The following PCDHA8 variants were observed in gnomAD, a reference collection of about 807,000 sequenced individuals.
PCDHA8 encodes the protein protocadherin alpha-8.
PCDHA8 carries 53 observed loss-of-function variants against 61.8 expected under a neutral mutation model. The observed-to-expected ratio is 0.86, with a 90% CI of 0.69 to 1.08. The LOEUF (loss-of-function observed/expected upper bound fraction) is 1.08, where lower values mean the gene tolerates loss of function less well. PCDHA8 is among the 50% of genes least tolerant of loss of function. The pLI is 0.00. For synonymous variants in PCDHA8, 618 were observed against 556.6 expected (o/e 1.11, Z -1.55); for missense variants, 1,293 against 1,245.0 (o/e 1.04, Z -0.58).
chr5:140,849,958 C>A (rs2041255697), intron 1 of PCDHA8: 1 of 1,597,774 alleles, frequency 6.3e-7, no homozygotes, highest in East Asian at 2.2e-5. Flanking sequence ...CAGGAGAACG[C>A]CCTGGTGTCC....
intron 1 of PCDHA8, chr5:140,927,673 G>C: frequency 6.2e-7 from 1 of 1,614,224 alleles, no homozygotes; most frequent in Non-Finnish European, 8.5e-7. Flanking sequence ...CTTGGATCCA[G>C]ATGAAGGGTC....
chr5:140,848,693 G>A, intron 1 of PCDHA8: 1 of 1,592,386 alleles, frequency 6.3e-7, no homozygotes, highest in Non-Finnish European at 8.6e-7. Flanking sequence ...TGTTCCAGTT[G>A]GATTCCAAAG....
intron 1 of PCDHA8, among the ~76,000 whole-genome samples, chr5:140,897,927 C>T (rs2066407931): frequency 6.6e-6 from 1 of 152,196 alleles, no homozygotes. Context: ...ATTTGCGTTT[C>T]TCTGATGGCC....
rs550257645 is a variant in PCDHA8 at position 140,858,423 on chromosome 5, A to G, written c.2394+14708A>G. 7.3e-5 allele frequency: 113 copies of G among 1,554,520 alleles called. 7 individuals carry two copies. In the South Asian group the frequency reaches 1.0e-3, roughly 14 times the overall value. On this transcript the variant is annotated intron_variant, in intron 1 of 3. Coordinates refer to ENST00000531613, the MANE Select transcript of PCDHA8 (RefSeq NM_018911.3). ...GGGGAAGATCAGTCTATTGGAGGGG[A>G]CCACTCTAGGAAGGTGGGTTATTAC...
intron 1 of PCDHA8, among the ~76,000 whole-genome samples, chr5:140,874,504 C>A (rs2054953142): frequency 6.6e-6 from 1 of 152,198 alleles, no homozygotes; most frequent in Admixed American, 6.5e-5. Flanking sequence ...AGTTCACATT[C>A]TCTTGACTTT....
chr5:140,933,695 G>A lies in PCDHA8; in HGVS notation c.2395-45254G>A, dbSNP rs575994908. On this transcript the variant is annotated intron_variant, in intron 1 of 3. Coordinates refer to ENST00000531613, the MANE Select transcript of PCDHA8 (RefSeq NM_018911.3). ...TCTCACATTTTTTTTCCTATTCCTCGGACACATTTACTGAGATTGGTGATA... is the reference window on the plus strand; with the variant it reads ...TCTCACATTTTTTTTCCTATTCCTCAGACACATTTACTGAGATTGGTGATA... Among the ~76,000 whole-genome samples the A allele has an allele frequency of 1.8e-4, 27 of 151,494 alleles. 1 individual carries two copies. The South Asian group carries it at 3.7e-3, about 21-fold the overall frequency.
At chr5:140,861,440 C>T (rs575320775) in intron 1 of PCDHA8, 3 of 493,406 alleles carry the variant, frequency 6.1e-6, no homozygotes, top group South Asian at 4.7e-5. Context: ...ATTCCAAAAG[C>T]CGCAGAAACC....
chr5:140,955,215 C>A (rs1313314138), intron 1 of PCDHA8, among the ~76,000 whole-genome samples: 1 of 152,148 alleles, frequency 6.6e-6, no homozygotes, highest in Non-Finnish European at 1.5e-5. Flanking sequence ...TAGCATGATG[C>A]CTCCAGCTTT....
intron 3 of PCDHA8, among the ~76,000 whole-genome samples, chr5:141,005,628 G>C: frequency 6.7e-6 from 1 of 148,974 alleles, no homozygotes; most frequent in Non-Finnish European, 1.5e-5. Context: ...CGTGAACCCG[G>C]GAGGCGGAGC....
At position 140,927,036 on chromosome 5, in the gene PCDHA8, C is replaced by A. The variant is rs137875923; in HGVS notation, c.2395-51913C>A. On this transcript the variant is annotated intron_variant, in intron 1 of 3. Transcript: ENST00000531613. ...CCGCGGACTTGAGGCTGCCAGCGGC[C>A]GCTATGTCCTCGCGGAACTTTCGCT... 9.3e-6 allele frequency: 15 copies of A among 1,612,314 alleles called. No homozygotes were observed. In the East Asian group the frequency reaches 3.3e-4, roughly 36 times the overall value.
chr5:140,964,216 T>C (rs1267795511), intron 1 of PCDHA8, among the ~76,000 whole-genome samples: 1 of 152,214 alleles, frequency 6.6e-6, no homozygotes, highest in Non-Finnish European at 1.5e-5. Context: ...TAGTACAATG[T>C]CTTTCAAAAT....
intron 1 of PCDHA8, among the ~76,000 whole-genome samples, chr5:140,873,728 T>A (rs1208346643): frequency 6.6e-6 from 1 of 152,190 alleles, no homozygotes; most frequent in African/African-American, 2.4e-5. Flanking sequence ...TGGCGCAATC[T>A]CAGCTCACTG....
intron 1 of PCDHA8, among the ~76,000 whole-genome samples, chr5:140,953,569 C>G (rs246030): frequency 0.56 from 85,556 of 151,828 alleles, 24,725 homozygotes; most frequent in African/African-American, 0.69. Context: ...TTAGTGCCCT[C>G]CTCTCCCAAA....
chr5:140,852,773 T>C, intron 1 of PCDHA8: 3 of 981,330 alleles, frequency 3.1e-6, no homozygotes, highest in East Asian at 1.1e-4. Context: ...GATTATTTGA[T>C]GTGAATAGAG....
chr5:140,963,151 A>G (rs544176369), intron 1 of PCDHA8, among the ~76,000 whole-genome samples: 2 of 152,326 alleles, frequency 1.3e-5, no homozygotes, highest in South Asian at 4.1e-4. Context: ...ATGAATTTAA[A>G]AATGACACAT....
At chr5:140,856,434 C>A in intron 1 of PCDHA8, 2 of 1,598,320 alleles carry the variant, frequency 1.3e-6, no homozygotes, top group Non-Finnish European at 1.7e-6. Flanking sequence ...AACGACAACC[C>A]GCCCAGGTTC....
chr5:140,856,909 G>T, intron 1 of PCDHA8: 1 of 1,596,132 alleles, frequency 6.3e-7, no homozygotes, highest in African/African-American at 1.3e-5. Context: ...TCCCACCCAC[G>T]ATAAGAAGGA....
chr5:140,928,771 A>G lies in PCDHA8; in HGVS notation c.2395-50178A>G, dbSNP rs1554206294. 2 of 1,613,880 alleles carry G rather than the reference A, an allele frequency of 1.2e-6. No individual in the cohort carries two copies. Among genetic ancestry groups the G allele is most frequent in the East Asian group, 2.2e-5 (1 of 44,892 alleles). ...CCGTACTGCTCGCTTAGTTCTTCCC[A>G]CTGATGCAGTTAAGCAGAGGGTGGT... On this transcript the variant is annotated intron_variant, in intron 1 of 3. Coordinates refer to ENST00000531613, the MANE Select transcript of PCDHA8 (RefSeq NM_018911.3).
chr5:141,008,999 G>A (rs1389698923), intron 3 of PCDHA8, among the ~76,000 whole-genome samples: 1 of 152,200 alleles, frequency 6.6e-6, no homozygotes, highest in African/African-American at 2.4e-5. Context: ...ACTAAAAGGA[G>A]CATATTTTGC....
Sources: allele counts gnomAD v4.1 joint callset (sites outside exome capture counted in the v4.1 genomes callset), GRCh38; gene constraint gnomAD v4.1.1; transcripts MANE v1.5; gene names NCBI Gene and HGNC (gene_info 2026-07-23, HGNC 2026-07-21).